The following DNAH3 variants were observed in gnomAD, a reference collection of about 807,000 sequenced individuals.
DNAH3 encodes the protein dynein axonemal heavy chain 3.
DNAH3 carries 332 observed loss-of-function variants against 432.5 expected under a neutral mutation model. The ratio of observed to expected loss-of-function variants is 0.77; its 90% CI spans 0.70 to 0.84. DNAH3 has a LOEUF of 0.84. Ranked by LOEUF, DNAH3 falls within the 40% of genes least tolerant of loss-of-function variation. The probability of loss-of-function intolerance (pLI) is 0.00; values close to 1 mark genes in which losing one functional copy is unlikely to be tolerated. For missense variants in DNAH3, 4,861 were observed against 5,114.0 expected, an observed-to-expected ratio of 0.95 and a Z score of 1.51; for synonymous variants, 1,956 against 1,900.2, an observed-to-expected ratio of 1.03 and a Z score of -0.76.
chr16:21,044,985 T>C (rs1396737350), intron 31 of DNAH3, among the ~76,000 whole-genome samples: 4 of 151,982 alleles, frequency 2.6e-5, no homozygotes, highest in Admixed American at 6.6e-5. Flanking sequence ...TTTATTGATT[T>C]GCGGATATTG....
intron 16 of DNAH3, among the ~76,000 whole-genome samples, chr16:21,100,663 G>A (rs996292107): frequency 6.6e-6 from 1 of 152,170 alleles, no homozygotes; most frequent in African/African-American, 2.4e-5. Flanking sequence ...ACATCCCTGA[G>A]TCATCCATCG....
intron 11 of DNAH3, among the ~76,000 whole-genome samples, chr16:21,118,515 A>C (rs1266060999): frequency 6.6e-6 from 1 of 152,088 alleles, no homozygotes; most frequent in Admixed American, 6.5e-5. Flanking sequence ...CTCCTATGCT[A>C]TGTGACTCCT....
intron 7 of DNAH3, chr16:21,130,091 G>GAAAAAAAAAAA (rs58706051): frequency 1.1e-4 from 9 of 79,106 alleles, no homozygotes; most frequent in Non-Finnish European, 1.6e-4. Flanking sequence ...CTAAATAAAT[G>GAAAAAAAAAAA]AAAAAAAAAA....
chr16:20,987,787 A>C, exon 46 of DNAH3: 3 of 1,614,142 alleles, frequency 1.9e-6, no homozygotes, highest in Non-Finnish European at 2.5e-6. Context: ...GGGAGTTGGC[A>C]AGAAGTTCTC....
At chr16:21,128,846 A>G (rs2092496626) in intron 7 of DNAH3, among the ~76,000 whole-genome samples, 1 of 148,056 alleles carries the variant, frequency 6.8e-6, no homozygotes, top group Admixed American at 6.8e-5. Flanking sequence ...GTGACAGAGC[A>G]ACACCCTGTC....
At chr16:21,051,589 C>T (rs1376373660) in intron 29 of DNAH3, 81 bp downstream of exon 29, 21 of 1,411,642 alleles carry the variant, frequency 1.5e-5, no homozygotes, top group Non-Finnish European at 2.0e-5. Flanking sequence ...TAACCCAAGA[C>T]ATCCCTAACT....
chr16:20,959,107 C>T (rs2084697159), intron 54 of DNAH3, 72 bp downstream of exon 54: 2 of 1,497,526 alleles, frequency 1.3e-6, no homozygotes, highest in South Asian at 1.2e-5. Flanking sequence ...GTGTCTTGGT[C>T]ATCTTCCCAG....
chr16:21,047,127 C>T (rs2089736647), intron 31 of DNAH3, among the ~76,000 whole-genome samples: 1 of 150,850 alleles, frequency 6.6e-6, no homozygotes, highest in Admixed American at 6.6e-5. Flanking sequence ...TTCATTTCAA[C>T]TTTGGTGAAT....
At chr16:21,157,530 A>G (rs1052508463) in intron 1 of DNAH3, among the ~76,000 whole-genome samples, 6 of 151,992 alleles carry the variant, frequency 3.9e-5, no homozygotes, top group Non-Finnish European at 7.4e-5. Context: ...GGGTTTCACC[A>G]TGTTGGCCAG....
At chr16:20,948,609 A>C (rs137904926) in exon 57 of DNAH3, 1 of 1,614,028 alleles carries the variant, frequency 6.2e-7, no homozygotes, top group Non-Finnish European at 8.5e-7. Context: ...CTTTGTCATC[A>C]GTCACTCTGC....
intron 14 of DNAH3, among the ~76,000 whole-genome samples, chr16:21,107,928 T>A (rs948403935): frequency 6.6e-6 from 1 of 151,918 alleles, no homozygotes; most frequent in Non-Finnish European, 1.5e-5. Context: ...AGTGGTGTGA[T>A]CTCAGCTTAC....
chr16:21,097,881 G>C (rs1349174485), intron 17 of DNAH3, among the ~76,000 whole-genome samples: 1 of 152,142 alleles, frequency 6.6e-6, no homozygotes, highest in Non-Finnish European at 1.5e-5. Flanking sequence ...GAACTTACTA[G>C]CTGATCTTTG....
chr16:20,938,385 T>C (rs1463931388), intron 59 of DNAH3, among the ~76,000 whole-genome samples: 1 of 144,112 alleles, frequency 6.9e-6, no homozygotes, highest in Non-Finnish European at 1.6e-5. Flanking sequence ...AGTGAAACTC[T>C]GTCTCAATTA....
chr16:20,952,357 G>C (rs929430472), intron 56 of DNAH3, 76 bp downstream of exon 56: 1 of 898,150 alleles, frequency 1.1e-6, no homozygotes, highest in East Asian at 2.4e-5. Flanking sequence ...TAAGTGAATG[G>C]AAATGGGAGG....
intron 3 of DNAH3, among the ~76,000 whole-genome samples, chr16:21,144,248 T>C (rs2092754756): frequency 1.3e-5 from 2 of 152,086 alleles, no homozygotes; most frequent in Non-Finnish European, 1.5e-5. Flanking sequence ...TCCTAACAAA[T>C]AGAATGTGGC....
chr16:20,987,312 A>G lies in DNAH3; in HGVS notation c.7019T>C (p.Ile2340Thr), dbSNP rs2086244545. Residue 2340 changes from isoleucine (I) to threonine (T), a missense_variant, in exon 47 of 62, where the codon ATA becomes ACA. Coordinates refer to ENST00000261383, the Ensembl canonical transcript of DNAH3. ...TCACAGAATCTGGTTTACCTTCTCT[A>G]TGGTCTGCTTGAAGCAATTGGAGGT... 5 of 1,614,152 alleles carry G rather than the reference A, an allele frequency of 3.1e-6. No individual in the cohort carries two copies. The highest frequency in any genetic ancestry group is 4.2e-6 in the Non-Finnish European group (5 of 1,180,022).
At chr16:21,142,561 C>A (rs1463382649) in intron 3 of DNAH3, among the ~76,000 whole-genome samples, 1 of 151,714 alleles carries the variant, frequency 6.6e-6, no homozygotes, top group Non-Finnish European at 1.5e-5. Flanking sequence ...GATATAAAAA[C>A]TATATTATTC....
chr16:21,079,133 T>C (rs926480593), intron 20 of DNAH3, among the ~76,000 whole-genome samples: 1 of 152,218 alleles, frequency 6.6e-6, no homozygotes, highest in Non-Finnish European at 1.5e-5. Flanking sequence ...TTTTCAGCAG[T>C]GAAGGGTCAT....
At chr16:20,964,232 C>G in exon 53 of DNAH3, 1 of 1,614,142 alleles carries the variant, frequency 6.2e-7, no homozygotes, top group Non-Finnish European at 8.5e-7. Flanking sequence ...TTTTTCTCTT[C>G]CAGCTCTGGC....
Sources: allele counts gnomAD v4.1 joint callset (sites outside exome capture counted in the v4.1 genomes callset), GRCh38; gene constraint gnomAD v4.1.1; transcripts MANE v1.5; gene names NCBI Gene and HGNC (gene_info 2026-07-23, HGNC 2026-07-21).